The following VPS13B variants were observed in gnomAD, a reference collection of about 807,000 sequenced individuals.
The protein encoded by VPS13B is intermembrane lipid transfer protein VPS13B.
In VPS13B, 285 loss-of-function variants were observed where a neutral mutation model predicts 426.4. The observed-to-expected ratio is 0.67, with a 90% CI of 0.61 to 0.74. The LOEUF is 0.74. VPS13B is among the 30% of genes least tolerant of loss of function. The pLI, the probability that VPS13B is intolerant of heterozygous loss-of-function variation, is 0.00. For synonymous variants in VPS13B, 1,676 were observed against 1,676.4 expected (o/e 1.00, Z 0.01); for missense variants, 4,537 against 4,782.6 (o/e 0.95, Z 1.51).
intron 19 of VPS13B, among the ~76,000 whole-genome samples, chr8:99,307,666 T>G (rs1193901974): frequency 6.6e-6 from 1 of 152,148 alleles, no homozygotes; most frequent in Non-Finnish European, 1.5e-5. Context: ...CTTTTTTGAT[T>G]ATTACAAGCA....
chr8:99,830,731 A>T (rs900726583), intron 51 of VPS13B, among the ~76,000 whole-genome samples: 1 of 152,274 alleles, frequency 6.6e-6, no homozygotes, highest in Admixed American at 6.5e-5. Context: ...CTTGTGGTGT[A>T]GGCACCAGAG....
At chr8:99,823,205 GT>G (rs1272728837) in intron 50 of VPS13B, among the ~76,000 whole-genome samples, 1 of 152,190 alleles carries the variant, frequency 6.6e-6, no homozygotes, top group Non-Finnish European at 1.5e-5. Flanking sequence ...CCTTGGGGAA[GT>G]TACTTCTTTG....
At position 99,136,772 on chromosome 8, in the gene VPS13B, A is replaced by C; in HGVS notation, c.1651+20A>C. 6.2e-7 allele frequency: 1 copy of C among 1,610,436 alleles called. No homozygotes were observed. Among genetic ancestry groups the C allele is most frequent in the Non-Finnish European group, 8.5e-7 (1 of 1,177,030 alleles). ...GCAAAGGTATTGGCTTCTTTCCTTT[A>C]TGTGTGCCATTTCTTGAACAACTGA... On this transcript the variant is annotated intron_variant, in intron 12 of 61. Transcript: ENST00000357162.
chr8:99,868,357 G>A lies in VPS13B; in HGVS notation c.11284G>A (p.Ala3762Thr), dbSNP rs1407104363. 1 of 1,614,064 alleles carries A rather than the reference G, an allele frequency of 6.2e-7. No homozygotes were observed. Among genetic ancestry groups the A allele is most frequent in the East Asian group, 2.2e-5 (1 of 44,898 alleles). Residue 3762 changes from alanine to threonine, a missense_variant, in exon 59 of 62, where the codon GCA (alanine) becomes ACA (threonine). By Grantham distance (58) the Ala-to-Thr change is moderately conservative (BLOSUM62 0). This residue lies in a region of VPS13B where 4,311 missense variants were observed against 4,474.3 expected (regional missense o/e 0.96). Coordinates refer to ENST00000357162, the MANE Select transcript of VPS13B (RefSeq NM_152564.5). The part of the protein sequence containing the change: ...FQKTSEAQAS[A>T]GHKAKGVISG... ...GAAAACATCTGAGGCACAGGCTTCAGCAGGACACAAGGCCAAGGGTGTCAT... is the reference window on the plus strand; with the variant it reads ...GAAAACATCTGAGGCACAGGCTTCAACAGGACACAAGGCCAAGGGTGTCAT...
intron 17 of VPS13B, among the ~76,000 whole-genome samples, chr8:99,195,907 G>T (rs1813891592): frequency 6.6e-6 from 1 of 152,108 alleles, no homozygotes; most frequent in African/African-American, 2.4e-5. Context: ...GTCTTGTTTT[G>T]TAGGTTGATG....
chr8:99,308,256 C>G (rs1333939195), intron 19 of VPS13B, among the ~76,000 whole-genome samples: 1 of 151,528 alleles, frequency 6.6e-6, no homozygotes, highest in Non-Finnish European at 1.5e-5. Context: ...TGTATACATG[C>G]ACCACGTCGG....
At chr8:99,765,173 G>A (rs1811151881) in intron 39 of VPS13B, among the ~76,000 whole-genome samples, 1 of 152,118 alleles carries the variant, frequency 6.6e-6, no homozygotes. Flanking sequence ...TTGAACCCAG[G>A]GGCCAAGGTT....
At chr8:99,192,602 G>A (rs576208192) in intron 16 of VPS13B, among the ~76,000 whole-genome samples, 2 of 152,234 alleles carry the variant, frequency 1.3e-5, no homozygotes, top group South Asian at 4.1e-4. Context: ...CAGGATGATT[G>A]CCTTGATTAT....
intron 60 of VPS13B, chr8:99,871,115 G>A: frequency 3.3e-6 from 2 of 608,652 alleles, no homozygotes; most frequent in South Asian, 3.9e-5. Flanking sequence ...AACCACTCAA[G>A]GAAGGTCATA....
chr8:99,822,171 A>G lies in VPS13B; in HGVS notation c.9183+689A>G, dbSNP rs752621610. ...TTTTTGCTGTACTTCTAATATCATC[A>G]TTATTTTAGCTGTCCAAAATTAGAA... On this transcript the variant is annotated intron_variant, in intron 50 of 61. Transcript: ENST00000357162. 1.4e-4 allele frequency among the ~76,000 whole-genome samples: 22 copies of G among 152,294 alleles called. No homozygotes were observed. In the Middle Eastern group the frequency reaches 0.01, roughly 71 times the overall value.
intron 33 of VPS13B, among the ~76,000 whole-genome samples, chr8:99,580,983 A>AC (rs1826023915): frequency 7.4e-6 from 1 of 134,766 alleles, no homozygotes; most frequent in Non-Finnish European, 1.6e-5. Flanking sequence ...CATCTCTACA[A>AC]AACACACACA....
intron 39 of VPS13B, among the ~76,000 whole-genome samples, chr8:99,763,135 C>CAAAAAAAAAAAAAAAAAAAAA (rs750289763): frequency 1.4e-4 from 5 of 35,840 alleles, no homozygotes; most frequent in African/African-American, 5.6e-4. Context: ...GACCTTGTCT[C>CAAAAAAAAAAAAAAAAAAAAA]AAAAAAAAAA....
chr8:99,218,368 C>G (rs534976833), intron 17 of VPS13B, among the ~76,000 whole-genome samples: 9 of 152,144 alleles, frequency 5.9e-5, no homozygotes, highest in African/African-American at 2.2e-4. Context: ...TGATCACTAC[C>G]CTGGTAGTAG....
intron 35 of VPS13B, among the ~76,000 whole-genome samples, chr8:99,690,400 G>T (rs972024231): frequency 1.3e-5 from 2 of 152,086 alleles, no homozygotes; most frequent in African/African-American, 4.8e-5. Flanking sequence ...TTAAACAATG[G>T]TTTCTTGGTA....
intron 35 of VPS13B, among the ~76,000 whole-genome samples, chr8:99,670,271 G>A (rs1021527340): frequency 1.3e-5 from 2 of 151,746 alleles, no homozygotes; most frequent in Non-Finnish European, 2.9e-5. Flanking sequence ...TAAATAATGT[G>A]ATTTTTTAAT....
intron 17 of VPS13B, among the ~76,000 whole-genome samples, chr8:99,232,615 C>T (rs1427262642): frequency 2.0e-5 from 3 of 152,180 alleles, no homozygotes; most frequent in Non-Finnish European, 4.4e-5. Flanking sequence ...CTGCGTAACC[C>T]GCAGGCCACG....
At chr8:99,035,175 C>T (rs1485235875) in intron 2 of VPS13B, among the ~76,000 whole-genome samples, 2 of 152,106 alleles carry the variant, frequency 1.3e-5, no homozygotes, top group Non-Finnish European at 2.9e-5. Context: ...AGAGTTAGAC[C>T]TTGTTTCTTA....
intron 23 of VPS13B, among the ~76,000 whole-genome samples, chr8:99,465,656 T>C (rs947424092): frequency 2.0e-5 from 3 of 152,108 alleles, no homozygotes; most frequent in African/African-American, 7.2e-5. Context: ...CCGAACTCAG[T>C]CCAAAATATT....
intron 25 of VPS13B, among the ~76,000 whole-genome samples, chr8:99,487,600 A>G (rs181100282): frequency 1.6e-4 from 25 of 152,088 alleles, no homozygotes; most frequent in Non-Finnish European, 2.4e-4. Context: ...GAACAACTCT[A>G]TCTTCTCCTC....
Sources: gnomAD v4.1 joint callset for allele counts (sites outside exome capture counted in the v4.1 genomes callset) on GRCh38, gnomAD v4.1.1 for gene constraint, gnomAD v4.1.1 regional missense constraint, MANE v1.5 for transcripts, NCBI Gene and HGNC (gene_info 2026-07-23, HGNC 2026-07-21) for gene names.